The following TASOR2 variants were observed in gnomAD, a reference collection of about 807,000 sequenced individuals.
TASOR2 encodes the protein protein TASOR 2.
Under a neutral mutation model 199.5 loss-of-function variants are expected in TASOR2, and 84 were observed. That is an observed-to-expected ratio of 0.42 (90% CI 0.35 to 0.50). The LOEUF is 0.50. Ranked by LOEUF, TASOR2 falls within the 20% of genes least tolerant of loss-of-function variation. The pLI, the probability that TASOR2 is intolerant of heterozygous loss-of-function variation, is 0.02. For synonymous variants in TASOR2, 1,103 were observed against 1,046.6 expected (o/e 1.05, Z -1.04); for missense variants, 2,796 against 2,835.9 (o/e 0.99, Z 0.32).
At position 5,751,446 on chromosome 10, in the gene TASOR2, A is replaced by T. The variant is rs933786043; in HGVS notation, c.6606+1419A>T. On this transcript the variant is annotated intron_variant, in intron 15 of 20. Transcript: ENST00000328090. The surrounding 1 kb of genome is among the most constrained non-coding windows in gnomAD (Gnocchi z 5.3). ...CATTTGCTTATCTGTATCACTATGG[A>T]CCATGGCACATTTTGTTTTACTTAA... is the stretch of plus-strand genomic sequence containing the variant. Among the ~76,000 whole-genome samples, 2 of 152,182 alleles carry T rather than the reference A, an allele frequency of 1.3e-5. No individual in the cohort carries two copies. Among genetic ancestry groups the T allele is most frequent in the African/African-American group, 4.8e-5 (2 of 41,424 alleles).
chr10:5,709,796 T>C (rs1305805768), intron 1 of TASOR2: 1 of 788,164 alleles, frequency 1.3e-6, no homozygotes, highest in Non-Finnish European at 1.7e-6. Context: ...GTACCTATAT[T>C]TTTTAAAATA....
chr10:5,720,475 T>G lies in TASOR2; in HGVS notation c.-99-69T>G. The G allele has an allele frequency of 7.0e-7, 1 of 1,435,350 alleles. No homozygotes were observed. Among genetic ancestry groups the G allele is most frequent in the South Asian group, 1.6e-5 (1 of 64,448 alleles). 88.9% of individuals were successfully genotyped at this position (1,435,350 alleles called of 1,614,324 possible). A position where few individuals can be genotyped will look rare whatever the true frequency, so the allele number is the denominator to read the frequency against. Reference sequence around the variant, plus strand: ...TGTTAAATTTCAGGGCTCGGTGGGGTTGAGAAAAACTTGGTACATATGCAG... The same window carrying G: ...TGTTAAATTTCAGGGCTCGGTGGGGGTGAGAAAAACTTGGTACATATGCAG... On this transcript the variant is annotated intron_variant, in intron 3 of 20. Transcript: ENST00000328090. The surrounding 1 kb of genome is among the most constrained non-coding windows in gnomAD (Gnocchi z 5.3).
At chr10:5,693,217 A>C (rs576611530) in intron 1 of TASOR2, among the ~76,000 whole-genome samples, 1 of 152,264 alleles carries the variant, frequency 6.6e-6, no homozygotes, top group African/African-American at 2.4e-5. Flanking sequence ...TGTGTGTGGT[A>C]GTGGTGGAGC....
rs773113606 is a variant in TASOR2 at position 5,754,148 on chromosome 10, TA to T, written c.6607-2458del. ...AGTGAAACCCCGTCTCTACTAAAAA[TA>T]AAAAAATTAGCCGGGTGTGGCGGCG... is the stretch of plus-strand genomic sequence containing the variant. On this transcript the variant is annotated intron_variant, in intron 15 of 20. Coordinates refer to ENST00000328090, the Ensembl canonical transcript of TASOR2. The surrounding 1 kb of genome is among the most constrained non-coding windows in gnomAD (Gnocchi z 4.3). Among the ~76,000 whole-genome samples, 2 of 151,880 alleles carry T rather than the reference TA, an allele frequency of 1.3e-5. No homozygotes were observed. The highest frequency in any genetic ancestry group is 4.8e-5 in the African/African-American group (2 of 41,364).
intron 10 of TASOR2, among the ~76,000 whole-genome samples, chr10:5,729,918 G>A (rs989959059): frequency 4.0e-5 from 6 of 151,116 alleles, no homozygotes; most frequent in Non-Finnish European, 8.8e-5. Context: ...ACATAGACTA[G>A]TCAGTTTTAG....
At position 5,748,412 on chromosome 10, in the gene TASOR2, A is replaced by G. The variant is rs542029519; in HGVS notation, c.4991A>G (p.Asn1664Ser). 4.4e-4 allele frequency: 709 copies of G among 1,614,248 alleles called. 13 individuals are homozygous for G. In the South Asian group the frequency reaches 7.4e-3, roughly 17 times the overall value. ...CCCACGCTTTGTTCTTCCTCAGACAATGCTACATTAACCCATTATGTAAGA... is the reference window on the plus strand; with the variant it reads ...CCCACGCTTTGTTCTTCCTCAGACAGTGCTACATTAACCCATTATGTAAGA... Residue 1664 changes from asparagine to serine, a missense_variant, in exon 15 of 21, where the codon AAT (asparagine) becomes AGT (serine). Physicochemically the swap from Asn to Ser is conservative, Grantham distance 46. Transcript: ENST00000328090. The surrounding 1 kb of genome is among the most constrained non-coding windows in gnomAD (Gnocchi z 5.1).
chr10:5,756,242 T>G (rs1838928643), intron 15 of TASOR2, among the ~76,000 whole-genome samples: 1 of 152,174 alleles, frequency 6.6e-6, no homozygotes, highest in South Asian at 2.1e-4. Flanking sequence ...AAGAAATACA[T>G]GGGTATTGTT....
In TASOR2 at chr10:5,722,374, T is replaced by G. The variant is rs942081198; in HGVS notation, c.147-1303T>G. ...GGGACGCTGAGGCAGGAGAATCACT[T>G]GAACCTGGGAGGTGGAGGTTGCATT... On this transcript the variant is annotated intron_variant, in intron 6 of 20. Coordinates refer to ENST00000328090, the Ensembl canonical transcript of TASOR2. The surrounding 1 kb of genome is among the most constrained non-coding windows in gnomAD (Gnocchi z 4.0). Among the ~76,000 whole-genome samples the G allele has an allele frequency of 3.3e-5, 5 of 152,140 alleles. No individual in the cohort carries two copies. Among genetic ancestry groups the G allele is most frequent in the African/African-American group, 1.2e-4 (5 of 41,416 alleles).
At chr10:5,703,250 A>ATT (rs1838122797) in intron 1 of TASOR2, among the ~76,000 whole-genome samples, 2 of 152,314 alleles carry the variant, frequency 1.3e-5, no homozygotes, top group Admixed American at 6.5e-5. Context: ...ATGTCTCACC[A>ATT]TTATATATAT....
rs5782856 is a variant in TASOR2, at chr10:5,707,726, TCACACACACACACACACA to T, written c.-287-5065_-287-5048del. ...CATACTCACTCTCCCTCACTCATTT[TCACACACACACACACACA>T]CACACACACACACACACACACACAC... is the stretch of plus-strand genomic sequence containing the variant. On this transcript the variant is annotated intron_variant, in intron 1 of 20. Coordinates refer to ENST00000328090, the Ensembl canonical transcript of TASOR2. 3.0e-3 allele frequency among the ~76,000 whole-genome samples: 388 copies of T among 129,194 alleles called. 6 individuals are homozygous for T. The highest frequency in any genetic ancestry group is 1.0e-2 in the African/African-American group (315 of 31,604). The allele number at this position is 129,194 out of a possible 152,430, so 84.8% of individuals were successfully genotyped here. A position where few individuals can be genotyped will look rare whatever the true frequency, so the allele number is the denominator to read the frequency against.
In TASOR2 at chr10:5,748,026, A is replaced by C; in HGVS notation, c.4605A>C (p.Thr1535=). Residue 1535 remains threonine, a synonymous_variant, in exon 15 of 21, where the codon ACA becomes ACC. Coordinates refer to ENST00000328090, the Ensembl canonical transcript of TASOR2. The surrounding 1 kb of genome is among the most constrained non-coding windows in gnomAD (Gnocchi z 5.1). ...AGCCTGCCTCAGCTGCCAAATGCAC[A>C]GGTGACTTCAGTCCTTCTCCTGAAA... 1 of 1,614,158 alleles carries C rather than the reference A, an allele frequency of 6.2e-7. No individual in the cohort carries two copies. Among genetic ancestry groups the C allele is most frequent in the Non-Finnish European group, 8.5e-7 (1 of 1,180,042 alleles).
intron 17 of TASOR2, among the ~76,000 whole-genome samples, 156 bp downstream of exon 18, chr10:5,757,829 C>A (rs942247656): frequency 2.0e-5 from 3 of 152,164 alleles, no homozygotes; most frequent in African/African-American, 7.2e-5. Flanking sequence ...GTGCTCTTTT[C>A]ATACAGTGAT....
intron 19 of TASOR2, 86 bp from the exon 21 acceptor site, chr10:5,762,446 A>T (rs904026007): frequency 2.6e-6 from 1 of 381,542 alleles, no homozygotes; most frequent in Non-Finnish European, 4.6e-6. Context: ...AGTTCCACAG[A>T]TTTTTTAAAA....
chr10:5,747,761 G>C (rs1240288266), exon 15 of TASOR2: 1 of 1,613,994 alleles, frequency 6.2e-7, no homozygotes, highest in African/African-American at 1.3e-5. Flanking sequence ...GAAGACTTAG[G>C]CATAACAGAA....
intron 17 of TASOR2, 104 bp downstream of exon 18, chr10:5,757,777 T>C (rs1367265117): frequency 1.6e-6 from 2 of 1,268,542 alleles, no homozygotes. Context: ...CTCTAAGGAA[T>C]ATCAGTTGCC....
rs1836274963 is a variant in TASOR2, at chr10:5,740,618, A to G, written c.2327+121A>G. The G allele has an allele frequency of 1.9e-6, 2 of 1,065,030 alleles. No homozygotes were observed. Among genetic ancestry groups the G allele is most frequent in the Non-Finnish European group, 2.7e-6 (2 of 751,918 alleles). 66.0% of individuals were successfully genotyped at this position (1,065,030 alleles called of 1,614,324 possible). A position where few individuals can be genotyped will look rare whatever the true frequency, so the allele number is the denominator to read the frequency against. On this transcript the variant is annotated intron_variant, in intron 13 of 20. Transcript: ENST00000328090. This position sits in a 1 kb window ranked among gnomAD's most constrained non-coding sequence, Gnocchi z 5.3. Reference sequence around the variant, plus strand: ...AGAAAGAAGTGTTGTGTTTAAAACCAGTAATTTGATAATAACATCAAGCAA... The same window carrying G: ...AGAAAGAAGTGTTGTGTTTAAAACCGGTAATTTGATAATAACATCAAGCAA...
rs1320539450 is a variant in TASOR2, at chr10:5,738,710, G to A, written c.1448-908G>A. Among the ~76,000 whole-genome samples, 1 of 152,196 alleles carries A rather than the reference G, an allele frequency of 6.6e-6. No homozygotes were observed. Among genetic ancestry groups the A allele is most frequent in the Non-Finnish European group, 1.5e-5 (1 of 68,032 alleles). ...TAATTCATTTTGGACCTGCTACTATGATAAAGAGGAACATAGTTGGCTTTT... is the reference window on the plus strand; with the variant it reads ...TAATTCATTTTGGACCTGCTACTATAATAAAGAGGAACATAGTTGGCTTTT... On this transcript the variant is annotated intron_variant, in intron 12 of 20. Transcript: ENST00000328090. The surrounding 1 kb of genome is among the most constrained non-coding windows in gnomAD (Gnocchi z 4.7).
intron 1 of TASOR2, among the ~76,000 whole-genome samples, chr10:5,686,732 T>C (rs1373112745): frequency 6.6e-6 from 1 of 152,276 alleles, no homozygotes; most frequent in Non-Finnish European, 1.5e-5. Flanking sequence ...ACATTCTGTT[T>C]TAATTTTTAT....
At chr10:5,707,742 A>G (rs1002700603) in intron 1 of TASOR2, among the ~76,000 whole-genome samples, 11 of 80,358 alleles carry the variant, frequency 1.4e-4, no homozygotes, top group African/African-American at 3.6e-4. Context: ...ACACACACAC[A>G]CACACACACA....
Sources: gnomAD v4.1 joint callset for allele counts (sites outside exome capture counted in the v4.1 genomes callset) on GRCh38, gnomAD v4.1.1 for gene constraint, Gnocchi (gnomAD v3.1) non-coding constraint, MANE v1.5 for transcripts, NCBI Gene and HGNC (gene_info 2026-07-23, HGNC 2026-07-21) for gene names.